BACH1: variants seen among roughly 807,000 people sequenced by gnomAD.
BACH1 encodes the protein BTB domain and CNC homolog 1.
In BACH1, 35 loss-of-function variants were observed where a neutral mutation model predicts 52.9. That is an observed-to-expected ratio of 0.66 (90% confidence interval 0.51 to 0.88). The LOEUF (loss-of-function observed/expected upper bound fraction) is 0.88. Ranked by LOEUF, BACH1 falls within the 40% of genes least tolerant of loss-of-function variation. The probability of loss-of-function intolerance (pLI) is 0.00; values close to 1 mark genes in which losing one functional copy is unlikely to be tolerated. For synonymous variants in BACH1, 321 were observed against 319.6 expected (o/e 1.00, Z -0.05); for missense variants, 808 against 872.6 (o/e 0.93, Z 0.93).
rs577563111 is a variant in BACH1 at position 29,338,438 on chromosome 21, G to C, written c.1777-3961G>C. Reference sequence around the variant, plus strand: ...ACCCAGGCTAGAGTGCAGTGGCACAGTCATGACTCACTGCAGCCTTGACTT... The same window carrying C: ...ACCCAGGCTAGAGTGCAGTGGCACACTCATGACTCACTGCAGCCTTGACTT... On this transcript the variant is annotated intron_variant, in intron 4 of 4. Coordinates refer to ENST00000286800, the MANE Select transcript of BACH1 (RefSeq NM_001186.4). Among the ~76,000 whole-genome samples the C allele has an allele frequency of 3.3e-5, 5 of 152,242 alleles. No homozygotes were observed. The South Asian group carries it at 1.0e-3, about 32-fold the overall frequency.
Position 29,342,012 on chromosome 21 carries a change from T to C in BACH1, c.1777-387T>C, listed in dbSNP as rs544877800. On this transcript the variant is annotated intron_variant, in intron 4 of 4. Coordinates refer to ENST00000286800, the MANE Select transcript of BACH1 (RefSeq NM_001186.4). ...AACCGTATGTTTGTCACAAACTCTT[T>C]TGACCGAAAAACTGCCCCAAATTGA... is the stretch of plus-strand genomic sequence containing the variant. Among the ~76,000 whole-genome samples the C allele has an allele frequency of 7.9e-5, 12 of 152,344 alleles. No homozygotes were observed. In the East Asian group the frequency reaches 2.1e-3, roughly 27 times the overall value.
chr21:29,341,807 T>A (rs945667400), intron 4 of BACH1, among the ~76,000 whole-genome samples: 3 of 152,244 alleles, frequency 2.0e-5, no homozygotes, highest in Non-Finnish European at 4.4e-5. Flanking sequence ...TGGAAAACAT[T>A]TAGCACAATA....
At chr21:29,340,203 A>C (rs192555629) in intron 4 of BACH1, among the ~76,000 whole-genome samples, 4 of 152,216 alleles carry the variant, frequency 2.6e-5, no homozygotes, top group African/African-American at 4.8e-5. Flanking sequence ...TTTTACTTTT[A>C]GTTATTAAGC....
intron 1 of BACH1, among the ~76,000 whole-genome samples, chr21:29,315,971 G>A (rs1447127934): frequency 1.3e-5 from 2 of 151,794 alleles, no homozygotes; most frequent in Admixed American, 1.3e-4. Context: ...AAAATGTATG[G>A]TAGCCTTTTT....
At position 29,326,884 on chromosome 21, in the gene BACH1, A is replaced by G; in HGVS notation, c.1060A>G (p.Thr354Ala). ...GTTAACAGAAAAGCCTTTGTCAGGT[A>G]CAGACGTCCAAGAAAAAACATTTGG... ...TVLTEKPLSG[T>A]DVQEKTFGES... is the part of the protein sequence containing the mutation. The change falls in exon 3 of 5, where the codon ACA becomes GCA. Residue 354 changes from threonine to alanine, a missense_variant. Physicochemically the swap from Thr to Ala is moderately conservative, Grantham distance 58. Coordinates refer to ENST00000286800, the MANE Select transcript of BACH1 (RefSeq NM_001186.4). 1 of 1,614,268 alleles carries G rather than the reference A, an allele frequency of 6.2e-7. No homozygotes were observed. The highest frequency in any genetic ancestry group is 8.5e-7 in the Non-Finnish European group (1 of 1,180,050).
chr21:29,329,165 A>C (rs920768656), intron 3 of BACH1, among the ~76,000 whole-genome samples: 3 of 152,152 alleles, frequency 2.0e-5, no homozygotes, highest in Non-Finnish European at 4.4e-5. Context: ...AAAATTAGCC[A>C]GGCATGGTGG....
chr21:29,335,062 T>TA (rs2089028886), intron 4 of BACH1, among the ~76,000 whole-genome samples: 1 of 152,198 alleles, frequency 6.6e-6, no homozygotes, highest in Non-Finnish European at 1.5e-5. Context: ...CCCTGGACCT[T>TA]GCATTTGATA....
At chr21:29,357,650 C>T (rs2089243012) in intron 2 of BACH1, among the ~76,000 whole-genome samples, 1 of 152,320 alleles carries the variant, frequency 6.6e-6, no homozygotes, top group South Asian at 2.1e-4. Flanking sequence ...AAGAGTGAGG[C>T]CAGCCTTTCG....
chr21:29,357,101 A>T (rs1274268946), intron 2 of BACH1, among the ~76,000 whole-genome samples: 1 of 152,224 alleles, frequency 6.6e-6, no homozygotes, highest in Non-Finnish European at 1.5e-5. Context: ...CAGCATGGGC[A>T]TGTAGGATTA....
At chr21:29,337,315 A>G (rs746951274) in intron 4 of BACH1, among the ~76,000 whole-genome samples, 7 of 152,234 alleles carry the variant, frequency 4.6e-5, no homozygotes, top group Non-Finnish European at 7.3e-5. Flanking sequence ...TTCAGTGGAC[A>G]GAGCTAGGAA....
chr21:29,320,174 G>C (rs1449776578), intron 1 of BACH1, among the ~76,000 whole-genome samples: 2 of 152,124 alleles, frequency 1.3e-5, no homozygotes, highest in Non-Finnish European at 2.9e-5. Flanking sequence ...CCATTTGAAG[G>C]CTTCCCATGT....
rs777547535 is a variant in BACH1 at position 29,322,876 on chromosome 21, C to A, written c.234+1362C>A. On this transcript the variant is annotated intron_variant, in intron 2 of 4. Coordinates refer to ENST00000286800, the MANE Select transcript of BACH1 (RefSeq NM_001186.4). ...ACTAGCCATTGTTTTAAAAAAAGAA[C>A]AACACATTTTATAATGGAGATGTAT... Among the ~76,000 whole-genome samples the A allele has an allele frequency of 4.6e-5, 7 of 152,194 alleles. No homozygotes were observed. The South Asian group carries it at 1.5e-3, about 32-fold the overall frequency.
intron 4 of BACH1, among the ~76,000 whole-genome samples, chr21:29,338,521 C>T (rs1020434669): frequency 6.6e-5 from 10 of 151,974 alleles, no homozygotes; most frequent in East Asian, 5.8e-4. Context: ...ACTACAGGTG[C>T]GCACCACCAT....
intron 2 of BACH1, 35 bp downstream of exon 2, chr21:29,321,549 CT>C: frequency 1.3e-6 from 2 of 1,574,330 alleles, no homozygotes; most frequent in Non-Finnish European, 1.7e-6. Flanking sequence ...TTTTAATCTA[CT>C]TTTACTTAAG....
chr21:29,334,222 C>T (rs760483747), intron 4 of BACH1, among the ~76,000 whole-genome samples: 3 of 151,952 alleles, frequency 2.0e-5, no homozygotes, highest in African/African-American at 4.8e-5. Context: ...CTCGGCCTCC[C>T]GAGTAGCTGG....
At chr21:29,338,266 C>CT (rs375850139) in intron 4 of BACH1, among the ~76,000 whole-genome samples, 73 of 152,214 alleles carry the variant, frequency 4.8e-4, no homozygotes, top group African/African-American at 1.7e-3. Flanking sequence ...GATTTATTTG[C>CT]TTTTTTATGC....
At position 29,304,661 on chromosome 21, in the gene BACH1, A is replaced by G. The variant is rs538356472; in HGVS notation, c.-61+5708A>G. Reference sequence around the variant, plus strand: ...GAAATGTCCCTCCCTCCCCCTACACACCTTTTTTCCAGTTATCTCTTCTTT... The same window carrying G: ...GAAATGTCCCTCCCTCCCCCTACACGCCTTTTTTCCAGTTATCTCTTCTTT... On this transcript the variant is annotated intron_variant, in intron 1 of 4. Coordinates refer to ENST00000286800, the MANE Select transcript of BACH1 (RefSeq NM_001186.4). Among the ~76,000 whole-genome samples, 251 of 151,780 alleles carry G rather than the reference A, an allele frequency of 1.7e-3. 1 individual carries two copies. Among genetic ancestry groups the G allele is most frequent in the Admixed American group, 3.0e-3 (45 of 15,246 alleles).
intron 1 of BACH1, chr21:29,299,902 G>C (rs1262563453): frequency 1.3e-5 from 2 of 152,234 alleles, no homozygotes; most frequent in Non-Finnish European, 2.9e-5. Flanking sequence ...GTTACCCATG[G>C]ATGATGCTAT....
At chr21:29,359,111 A>C (rs1441393461) in intron 2 of BACH1, 1 of 152,102 alleles carries the variant, frequency 6.6e-6, no homozygotes, top group African/African-American at 2.4e-5. Context: ...TCTTATATCA[A>C]GATGTCCATC....
Sources: gnomAD v4.1 joint callset for allele counts (sites outside exome capture counted in the v4.1 genomes callset) on GRCh38, gnomAD v4.1.1 for gene constraint, MANE v1.5 for transcripts, NCBI Gene and HGNC (gene_info 2026-07-23, HGNC 2026-07-21) for gene names.